The following TBC1D1 variants were observed in gnomAD, a reference collection of about 807,000 sequenced individuals.
TBC1D1 encodes the protein TBC1 (tre-2/USP6, BUB2, cdc16) domain family, member 1.
TBC1D1 carries 89 observed loss-of-function variants against 125.6 expected under a neutral mutation model. That is an observed-to-expected ratio of 0.71 (90% CI 0.60 to 0.85). TBC1D1 has a LOEUF of 0.85. TBC1D1 is among the 40% of genes least tolerant of loss of function. TBC1D1 has a pLI of 0.00. For missense variants in TBC1D1, 1,377 were observed against 1,469.2 expected, an observed-to-expected ratio of 0.94 and a Z score of 1.03; for synonymous variants, 565 against 564.1, an observed-to-expected ratio of 1.00 and a Z score of -0.02.
chr4:38,090,496 A>G (rs975387391), intron 13 of TBC1D1, among the ~76,000 whole-genome samples: 17 of 152,082 alleles, frequency 1.1e-4, no homozygotes, highest in African/African-American at 3.9e-4. Flanking sequence ...TTAGGTATGA[A>G]CTTTTCTTGT....
At chr4:38,032,765 G>A (rs1746413174) in intron 7 of TBC1D1, among the ~76,000 whole-genome samples, 2 of 151,568 alleles carry the variant, frequency 1.3e-5, no homozygotes, top group Admixed American at 1.3e-4. Context: ...AACCTGGGAG[G>A]TGGAGCTTGC....
At chr4:38,036,752 T>G (rs927612311) in intron 8 of TBC1D1, among the ~76,000 whole-genome samples, 1 of 152,210 alleles carries the variant, frequency 6.6e-6, no homozygotes, top group Admixed American at 6.5e-5. Context: ...TCTAATCTCA[T>G]TGGCCAGCCA....
intron 17 of TBC1D1, among the ~76,000 whole-genome samples, chr4:38,122,399 T>A (rs1764000010): frequency 1.3e-5 from 2 of 152,218 alleles, no homozygotes. Context: ...TTGCCCACCT[T>A]CTGCCCTGCA....
chr4:38,014,667 G>C lies in TBC1D1; in HGVS notation c.576G>C (p.Leu192=). The change falls in exon 3 of 20, where the codon CTG becomes CTC. Residue 192 remains leucine (L), a synonymous_variant. Transcript: ENST00000261439. This position sits in a 1 kb window ranked among gnomAD's most constrained non-coding sequence, Gnocchi z 5.1. ...CGCACAAGAAGGCTCCGCCGGCCCT[G>C]ATCGACGAGTGCATCGAGAAGTTCA... The C allele has an allele frequency of 3.1e-6, 5 of 1,613,262 alleles. No homozygotes were observed. The highest frequency in any genetic ancestry group is 4.2e-6 in the Non-Finnish European group (5 of 1,180,036).
chr4:38,117,586 T>G (rs1763184166), intron 16 of TBC1D1, among the ~76,000 whole-genome samples: 3 of 152,224 alleles, frequency 2.0e-5, no homozygotes, highest in African/African-American at 7.2e-5. Context: ...GGGAACTTGC[T>G]GAGTGAACAT....
chr4:38,100,392 C>G (rs1391514212), intron 14 of TBC1D1, among the ~76,000 whole-genome samples: 1 of 152,190 alleles, frequency 6.6e-6, no homozygotes, highest in Non-Finnish European at 1.5e-5. Context: ...GGCACTCCAG[C>G]CTCTGCCTCC....
At chr4:37,896,661 G>C (rs145129388) in intron 1 of TBC1D1, among the ~76,000 whole-genome samples, 1 of 151,914 alleles carries the variant, frequency 6.6e-6, no homozygotes, top group Non-Finnish European at 1.5e-5. Context: ...TTTTCATGAG[G>C]AAGTTGGGGT....
At chr4:37,967,583 C>G (rs1731303998) in intron 2 of TBC1D1, among the ~76,000 whole-genome samples, 2 of 151,274 alleles carry the variant, frequency 1.3e-5, no homozygotes, top group Admixed American at 1.3e-4. Flanking sequence ...TTATAAAAAA[C>G]AGAAAATTTT....
intron 2 of TBC1D1, among the ~76,000 whole-genome samples, chr4:37,987,841 A>G (rs1735766041): frequency 6.6e-6 from 1 of 152,190 alleles, no homozygotes. Flanking sequence ...TATTCTTTTC[A>G]AAGTACCACA....
chr4:38,034,585 C>T (rs1342099910), intron 7 of TBC1D1, among the ~76,000 whole-genome samples: 1 of 152,148 alleles, frequency 6.6e-6, no homozygotes, highest in Non-Finnish European at 1.5e-5. Context: ...CCTTAGTTAG[C>T]TGGGGAAGAA....
chr4:38,044,014 C>T (rs991134245), intron 8 of TBC1D1, among the ~76,000 whole-genome samples: 8 of 152,234 alleles, frequency 5.3e-5, no homozygotes, highest in African/African-American at 1.9e-4. Context: ...ATTGGTCTCA[C>T]TTTACTGAAG....
chr4:38,122,612 C>T (rs985198630), intron 17 of TBC1D1, among the ~76,000 whole-genome samples: 2 of 152,140 alleles, frequency 1.3e-5, no homozygotes, highest in African/African-American at 2.4e-5. Flanking sequence ...ATAACTCTAC[C>T]GAACCAGAAC....
chr4:37,940,184 C>T (rs1725255887), intron 2 of TBC1D1, among the ~76,000 whole-genome samples: 1 of 152,134 alleles, frequency 6.6e-6, no homozygotes. Context: ...TTGTTTGTGT[C>T]CTCTTTTATT....
chr4:38,093,360 A>T (rs1424945525), intron 13 of TBC1D1, among the ~76,000 whole-genome samples: 1 of 152,084 alleles, frequency 6.6e-6, no homozygotes, highest in Admixed American at 6.5e-5. Flanking sequence ...GAACCATACT[A>T]TGTCATCTCA....
intron 2 of TBC1D1, among the ~76,000 whole-genome samples, chr4:37,944,220 C>A (rs1726173978): frequency 6.6e-6 from 1 of 152,194 alleles, no homozygotes; most frequent in Non-Finnish European, 1.5e-5. Flanking sequence ...GGGTACCCAG[C>A]CATGTGAGGT....
intron 7 of TBC1D1, chr4:38,030,304 T>G (rs1459921963): frequency 3.9e-5 from 6 of 152,238 alleles, no homozygotes; most frequent in Admixed American, 3.9e-4. Flanking sequence ...CAGAGTAGAT[T>G]ACGACTAAGG....
chr4:37,939,058 G>T (rs1455223978), intron 2 of TBC1D1, among the ~76,000 whole-genome samples: 1 of 152,210 alleles, frequency 6.6e-6, no homozygotes, highest in African/African-American at 2.4e-5. Flanking sequence ...GGATGGCTGG[G>T]TCAAATGGTA....
At chr4:38,121,081 A>G (rs957275385) in intron 17 of TBC1D1, among the ~76,000 whole-genome samples, 4 of 152,188 alleles carry the variant, frequency 2.6e-5, no homozygotes, top group African/African-American at 9.6e-5. Context: ...ATCTCCAGCT[A>G]TTCAGGTGAC....
chr4:38,004,373 T>C (rs1344524510), intron 2 of TBC1D1, among the ~76,000 whole-genome samples: 1 of 152,222 alleles, frequency 6.6e-6, no homozygotes, highest in East Asian at 1.9e-4. Context: ...TAAACAATTT[T>C]CTTACACTGA....
Sources: allele counts gnomAD v4.1 joint callset (sites outside exome capture counted in the v4.1 genomes callset), GRCh38; gene constraint gnomAD v4.1.1; non-coding constraint Gnocchi (gnomAD v3.1); transcripts MANE v1.5; gene names NCBI Gene and HGNC (gene_info 2026-07-23, HGNC 2026-07-21).